WAC: variants seen among roughly 807,000 people sequenced by gnomAD.
WAC encodes the protein WW domain-containing adapter protein with coiled-coil.
WAC carries 11 observed loss-of-function variants against 79.6 expected under a neutral mutation model. That is an observed-to-expected ratio of 0.14 (90% CI 0.09 to 0.23). The LOEUF is 0.23. Ranked by LOEUF, WAC falls within the 10% of genes least tolerant of loss-of-function variation. WAC has a pLI of 1.00. For synonymous variants in WAC, 304 were observed against 276.9 expected (o/e 1.10, Z -0.97); for missense variants, 728 against 773.5 (o/e 0.94, Z 0.70).
At position 28,590,311 on chromosome 10, in the gene WAC, CAAAAAA is replaced by C. The variant is rs34562281; in HGVS notation, c.498-390_498-385del. Among the ~76,000 whole-genome samples, 55 of 103,352 alleles carry C rather than the reference CAAAAAA, an allele frequency of 5.3e-4. No homozygotes were observed. In the East Asian group the frequency reaches 8.6e-3, roughly 16 times the overall value. The allele number at this position is 103,352 out of a possible 152,430, so 67.8% of individuals were successfully genotyped here. A position where few individuals can be genotyped will look rare whatever the true frequency, so the allele number is the denominator to read the frequency against. On this transcript the variant is annotated intron_variant, in intron 5 of 13. Coordinates refer to ENST00000354911, the MANE Select transcript of WAC (RefSeq NM_016628.5). ...TGAGCAACAGAGCAAGATGCTATCT[CAAAAAA>C]AAAAAAAAAAAAAAAAAATCTAGGA...
At chr10:28,568,444 G>C (rs111271328) in intron 3 of WAC, among the ~76,000 whole-genome samples, 3 of 152,136 alleles carry the variant, frequency 2.0e-5, no homozygotes, top group African/African-American at 7.2e-5. Context: ...GCAGTGGCAC[G>C]GTCTTGGCTC....
chr10:28,614,494 C>A, intron 10 of WAC, 73 bp from the exon 11 acceptor site: 2 of 897,608 alleles, frequency 2.2e-6, no homozygotes, highest in Non-Finnish European at 1.7e-6. Flanking sequence ...TGTTTCAAGA[C>A]GATTACCTAG....
At chr10:28,546,824 C>T (rs367561804) in intron 3 of WAC, among the ~76,000 whole-genome samples, 1 of 148,920 alleles carries the variant, frequency 6.7e-6, no homozygotes, top group African/African-American at 2.5e-5. Context: ...AGAGTTATCT[C>T]GTTTTTTATT....
In WAC at chr10:28,574,736, G is replaced by A. The variant is rs139855515; in HGVS notation, c.275-8663G>A. Reference sequence around the variant, plus strand: ...TAGGATTACAGGTGTGAGCCACTGTGCCCAGCCAAGAATAATGCATTATGA... The same window carrying A: ...TAGGATTACAGGTGTGAGCCACTGTACCCAGCCAAGAATAATGCATTATGA... On this transcript the variant is annotated intron_variant, in intron 3 of 13. Transcript: ENST00000354911. Among the ~76,000 whole-genome samples the A allele has an allele frequency of 1.2e-4, 18 of 152,284 alleles. No homozygotes were observed. The East Asian group carries it at 2.1e-3, about 18-fold the overall frequency.
chr10:28,601,419 T>G (rs1054908796), intron 7 of WAC, among the ~76,000 whole-genome samples: 1 of 152,076 alleles, frequency 6.6e-6, no homozygotes, highest in Non-Finnish European at 1.5e-5. Flanking sequence ...AATAGGTGTT[T>G]TGGAGGGTAT....
intron 4 of WAC, among the ~76,000 whole-genome samples, chr10:28,583,885 C>T (rs951330609): frequency 3.9e-5 from 6 of 152,168 alleles, no homozygotes; most frequent in African/African-American, 1.4e-4. Flanking sequence ...CATTTATTAT[C>T]TACTGTGTCT....
At chr10:28,564,783 A>G (rs1250385468) in intron 3 of WAC, among the ~76,000 whole-genome samples, 1 of 152,230 alleles carries the variant, frequency 6.6e-6, no homozygotes, top group East Asian at 1.9e-4. Context: ...GCTGTAGTAT[A>G]TTATGACAGC....
At chr10:28,572,453 A>T (rs929755295) in intron 3 of WAC, among the ~76,000 whole-genome samples, 1 of 152,168 alleles carries the variant, frequency 6.6e-6, no homozygotes, top group African/African-American at 2.4e-5. Flanking sequence ...TGAGAAATCA[A>T]ACATGACCAA....
Position 28,534,017 on chromosome 10 carries a change from G to A in WAC, c.61G>A (p.Asp21Asn), listed in dbSNP as rs1836463461. The part of the protein sequence containing the change: ...LSDGCHDRRG[D>N]SQPYQALKYS... ...TTTCAGCTGTCACGACCGGAGGGGGGACTCGCAGCCTTACCAGGTACCAGC... is the reference window on the plus strand; with the variant it reads ...TTTCAGCTGTCACGACCGGAGGGGGAACTCGCAGCCTTACCAGGTACCAGC... The change falls in exon 2 of 14, where the codon GAC becomes AAC. Residue 21 changes from aspartate to asparagine, a missense_variant. Physicochemically the swap from Asp to Asn is conservative, Grantham distance 23. Coordinates refer to ENST00000354911, the MANE Select transcript of WAC (RefSeq NM_016628.5). The A allele has an allele frequency of 1.2e-6, 2 of 1,601,212 alleles. No homozygotes were observed. The highest frequency in any genetic ancestry group is 1.7e-6 in the Non-Finnish European group (2 of 1,174,076).
chr10:28,608,177 T>C lies in WAC; in HGVS notation c.920-9T>C. ...GGTAATTTTTCAGGCTGATTATCTT[T>C]TTATTTAGAATCTACATCAGGAGAC... On this transcript the variant is annotated splice_polypyrimidine_tract_variant and intron_variant, in intron 7 of 13. Transcript: ENST00000354911. 1 of 1,612,752 alleles carries C rather than the reference T, an allele frequency of 6.2e-7. No homozygotes were observed. The highest frequency in any genetic ancestry group is 8.5e-7 in the Non-Finnish European group (1 of 1,179,210).
chr10:28,550,458 T>C (rs1807712605), intron 3 of WAC, among the ~76,000 whole-genome samples: 1 of 152,036 alleles, frequency 6.6e-6, no homozygotes, highest in Non-Finnish European at 1.5e-5. Context: ...TTATTATAGC[T>C]CTTTTGTAGA....
At chr10:28,534,884 A>T (rs561564748) in intron 2 of WAC, among the ~76,000 whole-genome samples, 143 of 152,362 alleles carry the variant, frequency 9.4e-4, no homozygotes, top group African/African-American at 3.2e-3. Context: ...TCCAAAGCAT[A>T]GCTGATTACA....
At chr10:28,599,724 T>G (rs1433076379) in intron 7 of WAC, among the ~76,000 whole-genome samples, 2 of 152,218 alleles carry the variant, frequency 1.3e-5, no homozygotes, top group African/African-American at 4.8e-5. Flanking sequence ...TGTGCCTGCA[T>G]GAGTAGTCAG....
chr10:28,581,179 G>C (rs1839513408), intron 3 of WAC, among the ~76,000 whole-genome samples: 1 of 148,630 alleles, frequency 6.7e-6, no homozygotes, highest in Non-Finnish European at 1.5e-5. Context: ...CAGTAGGAAA[G>C]CAGGTGTTCA....
intron 9 of WAC, 102 bp downstream of exon 9, chr10:28,610,923 T>C: frequency 7.5e-7 from 1 of 1,332,944 alleles, no homozygotes; most frequent in African/African-American, 1.5e-5. Context: ...TTTTTTTTTT[T>C]AGTTTTTTAA....
intron 3 of WAC, among the ~76,000 whole-genome samples, chr10:28,550,423 T>C (rs990664479): frequency 2.0e-5 from 3 of 152,110 alleles, no homozygotes; most frequent in Admixed American, 2.0e-4. Context: ...CACTTTATTT[T>C]ATGAAGCCTT....
At chr10:28,549,087 C>T (rs1473326359) in intron 3 of WAC, among the ~76,000 whole-genome samples, 1 of 152,162 alleles carries the variant, frequency 6.6e-6, no homozygotes, top group Non-Finnish European at 1.5e-5. Flanking sequence ...TTTATAGAGA[C>T]AGAGTTTTAC....
intron 3 of WAC, among the ~76,000 whole-genome samples, chr10:28,546,362 A>G (rs927556109): frequency 1.3e-5 from 2 of 152,204 alleles, no homozygotes; most frequent in African/African-American, 4.8e-5. Context: ...TGATTGTGAA[A>G]AGATTCATTG....
At position 28,617,731 on chromosome 10, in the gene WAC, T is replaced by C. The variant is rs1300124789; in HGVS notation, c.1821T>C (p.Asn607=). Residue 607 remains asparagine (N), a synonymous_variant, in exon 13 of 14, where the codon AAT becomes AAC. Coordinates refer to ENST00000354911, the MANE Select transcript of WAC (RefSeq NM_016628.5). Reference sequence around the variant, plus strand: ...CCGAAATTTGTACTGAATTAAAAAATTTAAGATCTTTAGTCCGAGTATGTG... The same window carrying C: ...CCGAAATTTGTACTGAATTAAAAAACTTAAGATCTTTAGTCCGAGTATGTG... ...HMSEICTELK[N]LRSLVRVCEI... The C allele has an allele frequency of 6.3e-7, 1 of 1,598,004 alleles. No homozygotes were observed. Among genetic ancestry groups the C allele is most frequent in the Non-Finnish European group, 8.5e-7 (1 of 1,175,100 alleles).
Sources: gnomAD v4.1 joint callset for allele counts (sites outside exome capture counted in the v4.1 genomes callset) on GRCh38, gnomAD v4.1.1 for gene constraint, MANE v1.5 for transcripts, NCBI Gene and HGNC (gene_info 2026-07-23, HGNC 2026-07-21) for gene names.